The following KCNH7 variants were observed in gnomAD, a reference collection of about 807,000 sequenced individuals.
The protein encoded by KCNH7 is potassium voltage-gated channel subfamily H member 7, also known as voltage-gated inwardly rectifying potassium channel KCNH7.
Under a neutral mutation model 120.8 loss-of-function variants are expected in KCNH7, and 49 were observed. The ratio of observed to expected loss-of-function variants is 0.41; its 90% confidence interval spans 0.32 to 0.51. KCNH7 has a LOEUF of 0.51. KCNH7 is among the 20% of genes least tolerant of loss of function. KCNH7 has a pLI of 0.38. For synonymous variants in KCNH7, 547 were observed against 516.1 expected, an observed-to-expected ratio of 1.06 and a Z score of -0.81; for missense variants, 1,097 against 1,446.6, an observed-to-expected ratio of 0.76 and a Z score of 3.92.
chr2:162,507,899 A>G (rs1000932115), intron 5 of KCNH7, among the ~76,000 whole-genome samples: 1 of 151,542 alleles, frequency 6.6e-6, no homozygotes, highest in Non-Finnish European at 1.5e-5. Context: ...CTCCTGCTGT[A>G]CCATTTTATC....
chr2:162,692,245 C>T (rs1173746925), intron 2 of KCNH7, among the ~76,000 whole-genome samples: 1 of 151,738 alleles, frequency 6.6e-6, no homozygotes, highest in Admixed American at 6.6e-5. Context: ...TGTGCCTCAG[C>T]CTCCCAAGTA....
At chr2:162,448,157 A>C (rs1688646971) in intron 6 of KCNH7, among the ~76,000 whole-genome samples, 1 of 152,126 alleles carries the variant, frequency 6.6e-6, no homozygotes, top group African/African-American at 2.4e-5. Flanking sequence ...ATATAAGTAT[A>C]TGACTTTCAA....
intron 6 of KCNH7, among the ~76,000 whole-genome samples, chr2:162,488,533 T>C (rs1690181869): frequency 6.6e-6 from 1 of 152,070 alleles, no homozygotes. Flanking sequence ...TTTCCCATTA[T>C]CAAAAGCAGG....
In KCNH7 at chr2:162,559,021, G is replaced by C. The variant is rs373495101; in HGVS notation, c.308-21941C>G. 2.5e-3 allele frequency among the ~76,000 whole-genome samples: 337 copies of C among 132,518 alleles called. 2 individuals carry two copies. Among genetic ancestry groups the C allele is most frequent in the Middle Eastern group, 8.5e-3 (2 of 236 alleles). 86.9% of individuals were successfully genotyped at this position (132,518 alleles called of 152,430 possible). A position where few individuals can be genotyped will look rare whatever the true frequency, so the allele number is the denominator to read the frequency against. On this transcript the variant is annotated intron_variant, in intron 2 of 15. Coordinates refer to ENST00000332142, the MANE Select transcript of KCNH7 (RefSeq NM_033272.4). ...AGTGAGCCAAGATTGCGTCACTGCAGTCCAGCCTGGGCAACAGAGCAAGAC... is the reference window on the plus strand; with the variant it reads ...AGTGAGCCAAGATTGCGTCACTGCACTCCAGCCTGGGCAACAGAGCAAGAC...
chr2:162,577,291 G>GTCTGTCTGTCTATCTATCTA (rs375524449), intron 2 of KCNH7, among the ~76,000 whole-genome samples: 7 of 127,340 alleles, frequency 5.5e-5, no homozygotes, highest in Admixed American at 1.6e-4. Flanking sequence ...AGATCTATCT[G>GTCTGTCTGTCTATCTATCTA]TCTATCTATC....
intron 2 of KCNH7, among the ~76,000 whole-genome samples, chr2:162,807,486 T>C (rs1043151192): frequency 9.2e-5 from 14 of 151,770 alleles, no homozygotes; most frequent in African/African-American, 3.4e-4. Context: ...AATATTTACC[T>C]CTAGGGCTTA....
At chr2:162,391,221 G>A (rs561276808) in intron 12 of KCNH7, among the ~76,000 whole-genome samples, 1 of 152,168 alleles carries the variant, frequency 6.6e-6, no homozygotes, top group African/African-American at 2.4e-5. Flanking sequence ...TTCAAGGGAA[G>A]ATTTCAGTTT....
rs564971245 is a variant in KCNH7, at chr2:162,700,032, T to A, written c.307+136505A>T. On this transcript the variant is annotated intron_variant, in intron 2 of 15. Transcript: ENST00000332142. ...TCTGACTATGACCAGAATTTCAAGTTGGCATCGACCTCTGTAGCACGATTC... is the reference window on the plus strand; with the variant it reads ...TCTGACTATGACCAGAATTTCAAGTAGGCATCGACCTCTGTAGCACGATTC... Among the ~76,000 whole-genome samples, 38 of 152,298 alleles carry A rather than the reference T, an allele frequency of 2.5e-4. 2 individuals are homozygous for A. In the South Asian group the frequency reaches 7.9e-3, roughly 32 times the overall value.
intron 5 of KCNH7, among the ~76,000 whole-genome samples, chr2:162,512,133 T>C (rs529255537): frequency 6.6e-6 from 1 of 151,760 alleles, no homozygotes; most frequent in East Asian, 2.0e-4. Context: ...TAAAATATAA[T>C]AGAGAAAAAT....
intron 3 of KCNH7, among the ~76,000 whole-genome samples, chr2:162,527,042 T>C (rs1388033226): frequency 6.6e-6 from 1 of 151,898 alleles, no homozygotes; most frequent in Non-Finnish European, 1.5e-5. Context: ...CCGTTCGGGG[T>C]CCCTGACTTC....
chr2:162,698,301 T>C (rs1686366679), intron 2 of KCNH7, among the ~76,000 whole-genome samples: 1 of 152,182 alleles, frequency 6.6e-6, no homozygotes, highest in Admixed American at 6.6e-5. Flanking sequence ...TATATGATTG[T>C]GTATTGAAAT....
chr2:162,775,872 T>A (rs1683216316), intron 2 of KCNH7, among the ~76,000 whole-genome samples: 1 of 152,158 alleles, frequency 6.6e-6, no homozygotes, highest in African/African-American at 2.4e-5. Flanking sequence ...GGATGCCAGT[T>A]TTAAAGTACC....
At chr2:162,514,289 T>C (rs544857801) in intron 4 of KCNH7, among the ~76,000 whole-genome samples, 2 of 151,746 alleles carry the variant, frequency 1.3e-5, no homozygotes, top group African/African-American at 2.4e-5. Flanking sequence ...CAAATAGAGA[T>C]AGTGGAAGAG....
chr2:162,732,797 C>G (rs1687774727), intron 2 of KCNH7, among the ~76,000 whole-genome samples: 1 of 152,116 alleles, frequency 6.6e-6, no homozygotes, highest in Non-Finnish European at 1.5e-5. Context: ...AGAAATTTCT[C>G]CCACTTGTAA....
intron 2 of KCNH7, among the ~76,000 whole-genome samples, chr2:162,737,857 G>A (rs370160613): frequency 6.6e-6 from 1 of 151,988 alleles, no homozygotes; most frequent in Non-Finnish European, 1.5e-5. Context: ...TTGAGGTCAG[G>A]GGTGGGAGAG....
intron 2 of KCNH7, among the ~76,000 whole-genome samples, chr2:162,624,380 T>C (rs1401721098): frequency 2.0e-5 from 3 of 152,114 alleles, no homozygotes; most frequent in African/African-American, 7.2e-5. Flanking sequence ...GTATCCCCTA[T>C]GGATAAGAGG....
At chr2:162,403,852 T>C (rs1687131900) in intron 9 of KCNH7, among the ~76,000 whole-genome samples, 2 of 151,948 alleles carry the variant, frequency 1.3e-5, no homozygotes, top group Non-Finnish European at 2.9e-5. Flanking sequence ...TCTGTCTAAG[T>C]AAAGAAACTT....
At chr2:162,573,923 T>A (rs1367764573) in intron 2 of KCNH7, among the ~76,000 whole-genome samples, 1 of 152,002 alleles carries the variant, frequency 6.6e-6, no homozygotes, top group East Asian at 1.9e-4. Context: ...AAAATGCCTG[T>A]GAGGACGGGT....
intron 2 of KCNH7, among the ~76,000 whole-genome samples, chr2:162,601,175 A>G (rs1694538711): frequency 6.6e-6 from 1 of 151,918 alleles, no homozygotes; most frequent in Admixed American, 6.6e-5. Context: ...TGTATGGTTC[A>G]CGATGCTCCA....
Sources: gnomAD v4.1 joint callset for allele counts (sites outside exome capture counted in the v4.1 genomes callset) on GRCh38, gnomAD v4.1.1 for gene constraint, MANE v1.5 for transcripts, NCBI Gene and HGNC (gene_info 2026-07-23, HGNC 2026-07-21) for gene names.